KIF3A: variants seen among roughly 807,000 people sequenced by gnomAD.
KIF3A encodes the protein kinesin family member 3A.
Under a neutral mutation model 92.6 loss-of-function variants are expected in KIF3A, and 27 were observed. The ratio of observed to expected loss-of-function variants is 0.29; its 90% CI spans 0.21 to 0.40. The LOEUF (loss-of-function observed/expected upper bound fraction) is 0.40, where lower values mean the gene tolerates loss of function less well. Ranked by LOEUF, KIF3A falls within the 10% of genes least tolerant of loss-of-function variation. The pLI, the probability that KIF3A is intolerant of heterozygous loss-of-function variation, is 1.00. For synonymous variants in KIF3A, 250 were observed against 275.4 expected, an observed-to-expected ratio of 0.91 and a Z score of 0.92; for missense variants, 581 against 872.6, an observed-to-expected ratio of 0.67 and a Z score of 4.21.
chr5:132,726,092 T>A (rs201978206), intron 4 of KIF3A, 36 bp downstream of exon 4: 3 of 1,449,174 alleles, frequency 2.1e-6, no homozygotes, highest in East Asian at 2.3e-5. Context: ...TCTATTGCTT[T>A]GGAAAAAGTA....
At chr5:132,706,255 T>A (rs1411727203) in intron 11 of KIF3A, among the ~76,000 whole-genome samples, 196 bp downstream of exon 11, 1 of 152,112 alleles carries the variant, frequency 6.6e-6, no homozygotes, top group Non-Finnish European at 1.5e-5. Context: ...TTTGGCTTAA[T>A]GAGTCTTTAA....
chr5:132,711,487 G>C (rs1289220473), intron 8 of KIF3A, among the ~76,000 whole-genome samples: 1 of 152,054 alleles, frequency 6.6e-6, no homozygotes, highest in Non-Finnish European at 1.5e-5. Flanking sequence ...AGCTACTTGG[G>C]AGGCTGAGGC....
rs1463922118 is a variant in KIF3A, at chr5:132,699,210, C to T, written c.2093G>A (p.Arg698Gln). ...TGGCCTTGCTTTCCCCTTTGAAGTT[C>T]GTGGTCTTTCTAGTTTCATCAAAGA... ...RQSLMKLERPRTSKGKARPKT... is the reference protein window; with the variant it reads ...RQSLMKLERPQTSKGKARPKT... Residue 698 changes from arginine (R) to glutamine (Q), a missense_variant, in exon 18 of 19, where the codon CGA becomes CAA. Physicochemically the swap from Arg to Gln is conservative, Grantham distance 43 (BLOSUM62 1). Transcript: ENST00000403231. 5.6e-6 allele frequency: 9 copies of T among 1,613,838 alleles called. No individual in the cohort carries two copies. Among genetic ancestry groups the T allele is most frequent in the East Asian group, 4.5e-5 (2 of 44,890 alleles).
intron 17 of KIF3A, 78 bp from the exon 18 acceptor site, chr5:132,699,373 G>A (rs901002280): frequency 4.2e-6 from 6 of 1,423,232 alleles, no homozygotes; most frequent in Admixed American, 3.8e-5. Flanking sequence ...TTAAAATACT[G>A]AATAAACTCC....
intron 1 of KIF3A, 77 bp downstream of exon 1, chr5:132,737,337 T>A (rs1754434372): frequency 6.6e-7 from 1 of 1,523,404 alleles, no homozygotes; most frequent in Non-Finnish European, 8.9e-7. Flanking sequence ...GCTCCGCGCC[T>A]CCATGGCAAC....
At chr5:132,691,316 G>A (rs898028680), downstream of KIF3A, among the ~76,000 whole-genome samples, 1 of 152,172 alleles carries the variant, frequency 6.6e-6, no homozygotes, top group African/African-American at 2.4e-5. Context: ...GGGAGGCCGA[G>A]GTGGGTGGAT....
chr5:132,699,826 T>A (rs1212204122), intron 17 of KIF3A, among the ~76,000 whole-genome samples: 2 of 151,654 alleles, frequency 1.3e-5, no homozygotes, highest in South Asian at 2.1e-4. Flanking sequence ...CCTCCCAAAG[T>A]GCTGGGATTA....
intron 1 of KIF3A, 144 bp downstream of exon 1, chr5:132,737,270 T>C: frequency 1.1e-6 from 1 of 915,574 alleles, no homozygotes; most frequent in Non-Finnish European, 1.6e-6. Context: ...AGCCAGGCTC[T>C]CCAACCACCT....
intron 2 of KIF3A, among the ~76,000 whole-genome samples, chr5:132,728,874 C>G (rs1281364100): frequency 6.6e-6 from 1 of 151,952 alleles, no homozygotes; most frequent in Non-Finnish European, 1.5e-5. Flanking sequence ...GAGTTCAAGA[C>G]CAGCTAGGCA....
chr5:132,700,604 G>A, intron 16 of KIF3A, 43 bp downstream of exon 16: 1 of 1,320,760 alleles, frequency 7.6e-7, no homozygotes, highest in Non-Finnish European at 1.1e-6. Context: ...ACCATAGGAA[G>A]TACTCTTTAA....
intron 4 of KIF3A, among the ~76,000 whole-genome samples, chr5:132,724,860 A>T (rs1436839779): frequency 7.8e-6 from 1 of 128,512 alleles, no homozygotes; most frequent in African/African-American, 2.9e-5. Context: ...TATATATTAA[A>T]AAATCATTCT....
intron 4 of KIF3A, chr5:132,723,673 G>GT (rs1173057637): frequency 6.6e-6 from 1 of 152,158 alleles, no homozygotes; most frequent in Non-Finnish European, 1.5e-5. Context: ...AGACTTAAAT[G>GT]TTAGACCTAA....
intron 4 of KIF3A, among the ~76,000 whole-genome samples, chr5:132,725,173 C>T (rs540727477): frequency 2.1e-4 from 32 of 151,786 alleles, no homozygotes; most frequent in African/African-American, 7.2e-4. Flanking sequence ...CATGAAAGCA[C>T]AGAATTAATC....
At position 132,735,073 on chromosome 5, in the gene KIF3A, A is replaced by T. The variant is rs556990152; in HGVS notation, c.7-595T>A. The stretch of plus-strand genomic sequence containing the variant: ...GTATATGTAAAGTTTCCATTTCTGA[A>T]TTTTTTTTTTCTTATTTATGAGGCA... On this transcript the variant is annotated intron_variant, in intron 1 of 18. Coordinates refer to ENST00000403231, the MANE Select transcript of KIF3A (RefSeq NM_001300791.2). Among the ~76,000 whole-genome samples the T allele has an allele frequency of 8.0e-5, 12 of 150,910 alleles. No individual in the cohort carries two copies. In the East Asian group the frequency reaches 2.3e-3, roughly 29 times the overall value.
At chr5:132,702,344 G>T in intron 14 of KIF3A, 132 bp from the exon 15 acceptor site, 1 of 845,888 alleles carries the variant, frequency 1.2e-6, no homozygotes, top group Non-Finnish European at 1.8e-6. Context: ...ATGATAAACA[G>T]CGTGACACTA....
chr5:132,694,399 C>A lies in KIF3A; in HGVS notation c.*2235G>T, dbSNP rs1480762336. 1 of 152,120 alleles carries A rather than the reference C, an allele frequency of 6.6e-6. No homozygotes were observed. 9.4% of individuals were successfully genotyped at this position (152,120 alleles called of 1,614,324 possible). A position where few individuals can be genotyped will look rare whatever the true frequency, so the allele number is the denominator to read the frequency against. ...TCCGTCTCCAAACAAAAAACAAACA[C>A]CCCTGCTATAGTAGCCTGCTTTTAG... On this transcript the variant is annotated 3_prime_UTR_variant, in exon 19 of 19. Coordinates refer to ENST00000403231, the MANE Select transcript of KIF3A (RefSeq NM_001300791.2).
intron 15 of KIF3A, 78 bp from the exon 16 acceptor site, chr5:132,700,778 T>A: frequency 1.2e-6 from 1 of 850,902 alleles, no homozygotes; most frequent in Non-Finnish European, 1.9e-6. Flanking sequence ...ACTAAAATCT[T>A]AATAACATTG....
chr5:132,698,268 G>C lies in KIF3A; in HGVS notation c.2132+903C>G, dbSNP rs6885264. Among the ~76,000 whole-genome samples the C allele has an allele frequency of 2.0e-3, 305 of 152,178 alleles. 3 individuals carry two copies. Among genetic ancestry groups the C allele is most frequent in the African/African-American group, 6.9e-3 (286 of 41,504 alleles). ...TATTTCCTACATTTTAGGAGCCCCA[G>C]AGTCTTAAAATCAGCTTAAATAAAC... is the stretch of plus-strand genomic sequence containing the variant. On this transcript the variant is annotated intron_variant, in intron 18 of 18. Transcript: ENST00000403231.
At position 132,715,829 on chromosome 5, in the gene KIF3A, C is replaced by T. The variant is rs755892145; in HGVS notation, c.1057G>A (p.Glu353Lys). Residue 353 changes from glutamate to lysine, a missense_variant, in exon 8 of 19, where the codon GAA becomes AAA. This residue lies in a region of KIF3A where 167 missense variants were observed against 205.8 expected (regional missense o/e 0.81). Coordinates refer to ENST00000403231, the MANE Select transcript of KIF3A (RefSeq NM_001300791.2). Reference protein sequence around the residue: ...KNIKNKARINEDPKDALLRQF... With the variant: ...KNIKNKARINKDPKDALLRQF... The stretch of plus-strand genomic sequence containing the variant: ...CGCAGCAAAGCATCCTTTGGATCTT[C>T]ATTAATTCTAGCTTTATTTTTAATA... The T allele has an allele frequency of 6.2e-7, 1 of 1,611,930 alleles. No individual in the cohort carries two copies. Among genetic ancestry groups the T allele is most frequent in the South Asian group, 1.1e-5 (1 of 90,868 alleles).
Sources: allele counts gnomAD v4.1 joint callset (sites outside exome capture counted in the v4.1 genomes callset), GRCh38; gene constraint gnomAD v4.1.1; regional missense constraint gnomAD v4.1.1; transcripts MANE v1.5; gene names NCBI Gene and HGNC (gene_info 2026-07-23, HGNC 2026-07-21).